The following EXOC5 variants were observed in gnomAD, a reference collection of about 807,000 sequenced individuals.
EXOC5 encodes the protein SEC10-like 1.
Under a neutral mutation model 90.8 loss-of-function variants are expected in EXOC5, and 17 were observed. That is an observed-to-expected ratio of 0.19 (90% CI 0.13 to 0.28). The LOEUF (loss-of-function observed/expected upper bound fraction) is 0.28, where lower values mean the gene tolerates loss of function less well. Among genes scored for constraint, EXOC5 ranks in the 10% least tolerant of loss-of-function variants. The pLI is 1.00. For synonymous variants in EXOC5, 260 were observed against 270.0 expected (o/e 0.96, Z 0.36); for missense variants, 569 against 830.6 (o/e 0.69, Z 3.87).
At chr14:57,216,179 G>A (rs906246152) in intron 15 of EXOC5, among the ~76,000 whole-genome samples, 4 of 151,604 alleles carry the variant, frequency 2.6e-5, no homozygotes, top group Admixed American at 1.3e-4. Flanking sequence ...AACATATCCC[G>A]TGTTTAGAGC....
At chr14:57,232,930 T>C in intron 9 of EXOC5, 181 bp from the exon 10 acceptor site, 1 of 481,986 alleles carries the variant, frequency 2.1e-6, no homozygotes, top group East Asian at 3.5e-5. Context: ...GTTTTTACAT[T>C]TTACCACTTC....
chr14:57,242,924 G>A (rs1230049453), intron 4 of EXOC5, among the ~76,000 whole-genome samples: 2 of 152,156 alleles, frequency 1.3e-5, no homozygotes, highest in East Asian at 1.9e-4. Flanking sequence ...CCACAAAAAG[G>A]AACAAAATAA....
Position 57,229,884 on chromosome 14 carries a change from A to G in EXOC5, c.1149-3T>C. On this transcript the variant is annotated splice_region_variant and splice_polypyrimidine_tract_variant and intron_variant, in intron 11 of 17. Transcript: ENST00000621441. ...TTCTTTCCTTCAAATCTTGAATACTAGTACATCATAAAGACAAATGAAAAA... is the reference window on the plus strand; with the variant it reads ...TTCTTTCCTTCAAATCTTGAATACTGGTACATCATAAAGACAAATGAAAAA... 1 of 1,390,160 alleles carries G rather than the reference A, an allele frequency of 7.2e-7. No homozygotes were observed. The highest frequency in any genetic ancestry group is 1.8e-5 in the South Asian group (1 of 54,980). 86.1% of individuals were successfully genotyped at this position (1,390,160 alleles called of 1,614,324 possible).
chr14:57,265,951 C>T (rs548765643), intron 1 of EXOC5, among the ~76,000 whole-genome samples: 16 of 152,180 alleles, frequency 1.1e-4, no homozygotes, highest in African/African-American at 3.9e-4. Context: ...TCATCTATTA[C>T]TAAATCATTT....
At chr14:57,219,804 T>C (rs1239002490) in intron 13 of EXOC5, among the ~76,000 whole-genome samples, 4 of 152,200 alleles carry the variant, frequency 2.6e-5, no homozygotes, top group East Asian at 1.9e-4. Context: ...TTATCCTAGA[T>C]ACTGCTGCCA....
intron 1 of EXOC5, among the ~76,000 whole-genome samples, chr14:57,267,563 T>A (rs1180204446): frequency 6.6e-6 from 1 of 152,214 alleles, no homozygotes; most frequent in Non-Finnish European, 1.5e-5. Flanking sequence ...ATTACACTTT[T>A]GTTACTCAAT....
intron 2 of EXOC5, 81 bp from the exon 3 acceptor site, chr14:57,246,939 T>A (rs576184717): frequency 1.3e-6 from 1 of 778,604 alleles, no homozygotes; most frequent in South Asian, 2.0e-5. Flanking sequence ...ATAATCATAG[T>A]CTTAATAAGA....
At position 57,206,802 on chromosome 14, in the gene EXOC5, T is replaced by C. The variant is rs1300898473; in HGVS notation, c.*1807A>G. 6.6e-6 allele frequency: 1 copy of C among 152,518 alleles called. No homozygotes were observed. The highest frequency in any genetic ancestry group is 2.4e-5 in the African/African-American group (1 of 41,454). The allele number at this position is 152,518 out of a possible 1,614,324, so 9.4% of individuals were successfully genotyped here. ...AAAATAATTTGAAGCACTTCTCTGA[T>C]TTGGAAGTCTTAAAATGTTATCTCA... is the stretch of plus-strand genomic sequence containing the variant. On this transcript the variant is annotated 3_prime_UTR_variant, in exon 18 of 18. Transcript: ENST00000621441.
intron 1 of EXOC5, 159 bp downstream of exon 1, chr14:57,268,463 C>G (rs1179403183): frequency 3.3e-6 from 5 of 1,494,964 alleles, no homozygotes; most frequent in Non-Finnish European, 4.5e-6. Flanking sequence ...TCACGCTCCG[C>G]CCGCGCTGAC....
At chr14:57,211,923 G>A (rs941958188) in intron 15 of EXOC5, among the ~76,000 whole-genome samples, 3 of 151,960 alleles carry the variant, frequency 2.0e-5, no homozygotes, top group Non-Finnish European at 4.4e-5. Context: ...AATGCAGTGT[G>A]ATGATTGCTC....
At chr14:57,255,530 AC>A (rs1241329320) in intron 1 of EXOC5, among the ~76,000 whole-genome samples, 2 of 152,024 alleles carry the variant, frequency 1.3e-5, no homozygotes, top group Non-Finnish European at 2.9e-5. Flanking sequence ...GCACTGGAAC[AC>A]CCTGATGAAG....
chr14:57,218,119 T>A, intron 14 of EXOC5, 51 bp from the exon 15 acceptor site: 1 of 916,862 alleles, frequency 1.1e-6, no homozygotes, highest in Non-Finnish European at 1.7e-6. Flanking sequence ...TCTAATATTT[T>A]CTAAAAGTTT....
In EXOC5 at chr14:57,244,162, T is replaced by C; in HGVS notation, c.465+3A>G. 6.2e-7 allele frequency: 1 copy of C among 1,605,800 alleles called. No individual in the cohort carries two copies. Among genetic ancestry groups the C allele is most frequent in the Non-Finnish European group, 8.5e-7 (1 of 1,172,646 alleles). Reference sequence around the variant, plus strand: ...TTTGGTTTTATCCTCTGACAGCACTTACCTTTTCAGAATTTGTAAAAACAT... The same window carrying C: ...TTTGGTTTTATCCTCTGACAGCACTCACCTTTTCAGAATTTGTAAAAACAT... On this transcript the variant is annotated splice_donor_region_variant and intron_variant, in intron 4 of 17. Transcript: ENST00000621441.
In EXOC5 at chr14:57,202,834, GAATTCTATTTTT is replaced by G. The variant is rs905662712; in HGVS notation, c.*5763_*5774del. ...GTTCATAGATGCTGTAAAGTTGTGT[GAATTCTATTTTT>G]AAAATAAAAAAATGTACATATTACT... On this transcript the variant is annotated 3_prime_UTR_variant, in exon 18 of 18. Transcript: ENST00000621441. 6.6e-6 allele frequency: 1 copy of G among 151,998 alleles called. No individual in the cohort carries two copies. The highest frequency in any genetic ancestry group is 2.4e-5 in the African/African-American group (1 of 41,358). 9.4% of individuals were successfully genotyped at this position (151,998 alleles called of 1,614,324 possible). A position where few individuals can be genotyped will look rare whatever the true frequency, so the allele number is the denominator to read the frequency against.
intron 15 of EXOC5, among the ~76,000 whole-genome samples, chr14:57,212,310 T>G (rs903923597): frequency 7.2e-5 from 11 of 152,222 alleles, no homozygotes; most frequent in Admixed American, 6.5e-5. Flanking sequence ...CCAGCTTCCC[T>G]GCAGTATGTG....
At chr14:57,210,129 T>C in intron 15 of EXOC5, 68 bp from the exon 16 acceptor site, 1 of 681,876 alleles carries the variant, frequency 1.5e-6, no homozygotes, top group Non-Finnish European at 2.5e-6. Context: ...TTAATTATAT[T>C]ATTTATGCTA....
intron 5 of EXOC5, among the ~76,000 whole-genome samples, chr14:57,238,855 G>A (rs149035580): frequency 6.6e-6 from 1 of 152,032 alleles, no homozygotes; most frequent in East Asian, 1.9e-4. Context: ...CTATTACTAT[G>A]TATCATTTAT....
chr14:57,241,873 C>T (rs546799407), intron 4 of EXOC5, among the ~76,000 whole-genome samples: 1 of 152,180 alleles, frequency 6.6e-6, no homozygotes, highest in South Asian at 2.1e-4. Flanking sequence ...GTGGCTCATG[C>T]CTGTAATCCC....
intron 10 of EXOC5, chr14:57,232,455 T>C (rs1883514648): frequency 6.1e-6 from 2 of 329,698 alleles, no homozygotes; most frequent in Non-Finnish European, 1.1e-5. Flanking sequence ...AGAGAAAAAA[T>C]AAAGCATAAC....
Sources: allele counts gnomAD v4.1 joint callset (sites outside exome capture counted in the v4.1 genomes callset), GRCh38; gene constraint gnomAD v4.1.1; transcripts MANE v1.5; gene names NCBI Gene and HGNC (gene_info 2026-07-23, HGNC 2026-07-21).